The following VRK2 variants were observed in gnomAD, a reference collection of about 807,000 sequenced individuals.
VRK2 encodes VRK serine/threonine kinase 2.
In VRK2, 60 loss-of-function variants were observed where a neutral mutation model predicts 57.6. The ratio of observed to expected loss-of-function variants is 1.04; its 90% CI spans 0.85 to 1.29. The LOEUF (loss-of-function observed/expected upper bound fraction) is 1.29, where lower values mean the gene tolerates loss of function less well. VRK2 is among the 50% of genes most tolerant of loss of function. The pLI is 0.00. For synonymous variants in VRK2, 231 were observed against 199.2 expected (o/e 1.16, Z -1.35); for missense variants, 705 against 588.1 (o/e 1.20, Z -2.06).
intron 2 of VRK2, among the ~76,000 whole-genome samples, chr2:58,078,480 AG>A (rs1558605136): frequency 6.6e-6 from 1 of 152,056 alleles, no homozygotes; most frequent in Non-Finnish European, 1.5e-5. Flanking sequence ...GTATTTCTTC[AG>A]GATCTTACTT....
At chr2:58,122,522 G>A (rs2104487276) in intron 7 of VRK2, among the ~76,000 whole-genome samples, 1 of 152,288 alleles carries the variant, frequency 6.6e-6, no homozygotes, top group African/African-American at 2.4e-5. Context: ...TTTATTAAGT[G>A]GAAGTGGATC....
intron 1 of VRK2, among the ~76,000 whole-genome samples, chr2:58,024,488 T>C (rs1193951452): frequency 6.6e-6 from 1 of 152,236 alleles, no homozygotes; most frequent in Non-Finnish European, 1.5e-5. Context: ...TCAGTTAATT[T>C]GTAATAGTTA....
chr2:58,028,198 A>T (rs1251118830), intron 2 of VRK2: 4 of 152,198 alleles, frequency 2.6e-5, no homozygotes, highest in Non-Finnish European at 4.4e-5. Flanking sequence ...ATCCTGATTT[A>T]ATGGTTTGTA....
chr2:57,995,003 T>C (rs1375122588), intron 1 of VRK2, among the ~76,000 whole-genome samples: 2 of 152,186 alleles, frequency 1.3e-5, no homozygotes, highest in African/African-American at 4.8e-5. Context: ...AATATGTTCT[T>C]ATACAGAAAT....
chr2:58,048,619 A>G (rs186213518), intron 1 of VRK2: 1 of 1,487,460 alleles, frequency 6.7e-7, no homozygotes, highest in Non-Finnish European at 9.0e-7. Context: ...TAAAATATCT[A>G]TACCTCTTAG....
chr2:57,963,417 C>A (rs532145354), intron 1 of VRK2, among the ~76,000 whole-genome samples: 10 of 152,246 alleles, frequency 6.6e-5, no homozygotes, highest in African/African-American at 2.2e-4. Context: ...AAATATATTT[C>A]TTTTACCATG....
intron 2 of VRK2, among the ~76,000 whole-genome samples, chr2:58,069,847 C>T (rs1274708372): frequency 6.6e-6 from 1 of 152,168 alleles, no homozygotes; most frequent in East Asian, 1.9e-4. Flanking sequence ...GCCCCAGTGT[C>T]AACTTTCAAG....
intron 1 of VRK2, among the ~76,000 whole-genome samples, chr2:57,988,571 G>C (rs1036186809): frequency 1.3e-5 from 2 of 152,196 alleles, no homozygotes; most frequent in Non-Finnish European, 2.9e-5. Flanking sequence ...CATCCAAATT[G>C]AATGAAATGG....
At chr2:57,909,520 T>G (rs189280397) in intron 1 of VRK2, among the ~76,000 whole-genome samples, 4 of 152,014 alleles carry the variant, frequency 2.6e-5, no homozygotes, top group Non-Finnish European at 4.4e-5. Flanking sequence ...TAAACTGATA[T>G]AGTACTGGAT....
intron 1 of VRK2, among the ~76,000 whole-genome samples, chr2:57,941,091 G>A (rs1233768248): frequency 6.6e-6 from 1 of 152,114 alleles, no homozygotes; most frequent in East Asian, 1.9e-4. Context: ...TCTTCCATCA[G>A]TTTCCTAGAA....
At chr2:57,980,355 T>C (rs145753410) in intron 1 of VRK2, among the ~76,000 whole-genome samples, 16 of 152,318 alleles carry the variant, frequency 1.1e-4, no homozygotes, top group Non-Finnish European at 2.1e-4. Flanking sequence ...TGAGAGAACT[T>C]CTTGGCATAA....
chr2:58,098,741 T>C (rs1673525021), intron 7 of VRK2, among the ~76,000 whole-genome samples: 1 of 152,064 alleles, frequency 6.6e-6, no homozygotes. Context: ...TTAGAACATA[T>C]CCCTGTCATT....
At chr2:57,962,625 A>G (rs1288344132) in intron 1 of VRK2, among the ~76,000 whole-genome samples, 4 of 151,940 alleles carry the variant, frequency 2.6e-5, no homozygotes, top group Non-Finnish European at 5.9e-5. Flanking sequence ...CTTCGAGTCC[A>G]TGTGTACTCA....
At chr2:58,138,313 G>T (rs1267764976) in intron 10 of VRK2, among the ~76,000 whole-genome samples, 5 of 152,108 alleles carry the variant, frequency 3.3e-5, no homozygotes, top group Non-Finnish European at 5.9e-5. Flanking sequence ...TATAAATATG[G>T]TGATAAAATA....
intron 7 of VRK2, among the ~76,000 whole-genome samples, chr2:58,108,209 T>G (rs914302846): frequency 1.3e-5 from 2 of 152,152 alleles, no homozygotes; most frequent in Non-Finnish European, 2.9e-5. Flanking sequence ...TTACACTGTT[T>G]TCAGAGTTGT....
At chr2:57,932,896 T>A (rs1009907745) in intron 1 of VRK2, among the ~76,000 whole-genome samples, 2 of 152,304 alleles carry the variant, frequency 1.3e-5, no homozygotes, top group African/African-American at 4.8e-5. Context: ...CAACTTTCAT[T>A]TGTCTCAAGA....
rs1384941123 is a variant in VRK2 at position 58,122,709 on chromosome 2, C to G, written c.544-392C>G. 2.0e-5 allele frequency among the ~76,000 whole-genome samples: 3 copies of G among 152,102 alleles called. No individual in the cohort carries two copies. The East Asian group carries it at 5.8e-4, about 29-fold the overall frequency. On this transcript the variant is annotated intron_variant, in intron 7 of 12. Coordinates refer to ENST00000340157, the MANE Select transcript of VRK2 (RefSeq NM_006296.7). ...TTTTAGAATGTTTGCTCTTATCTCC[C>G]CTTCCTGCTTGAAATAGTTTTATGT... is the stretch of plus-strand genomic sequence containing the variant.
chr2:58,057,059 C>CT, intron 2 of VRK2, among the ~76,000 whole-genome samples: 1 of 152,130 alleles, frequency 6.6e-6, no homozygotes, highest in Non-Finnish European at 1.5e-5. Flanking sequence ...TGTATGCTGT[C>CT]TTTTTAACCT....
intron 1 of VRK2, among the ~76,000 whole-genome samples, chr2:57,927,037 G>A (rs1572869475): frequency 2.9e-5 from 2 of 68,370 alleles, no homozygotes; most frequent in Admixed American, 1.6e-4. Context: ...TGTGTCTGTC[G>A]TATTTTTTTT....
Sources: gnomAD v4.1 joint callset for allele counts (sites outside exome capture counted in the v4.1 genomes callset) on GRCh38, gnomAD v4.1.1 for gene constraint, MANE v1.5 for transcripts, NCBI Gene and HGNC (gene_info 2026-07-23, HGNC 2026-07-21) for gene names.